PLCL1: variants seen among roughly 807,000 people sequenced by gnomAD.
The protein encoded by PLCL1 is inactive phospholipase C-like protein 1.
PLCL1 carries 41 observed loss-of-function variants against 84.4 expected under a neutral mutation model. The observed-to-expected ratio is 0.49, with a 90% CI of 0.38 to 0.63. The LOEUF is 0.63. Among genes scored for constraint, PLCL1 ranks in the 30% least tolerant of loss-of-function variants. The pLI, the probability that PLCL1 is intolerant of heterozygous loss-of-function variation, is 0.00. For missense variants in PLCL1, 1,206 were observed against 1,367.8 expected (o/e 0.88, Z 1.87); for synonymous variants, 490 against 488.3 (o/e 1.00, Z -0.05).
intron 5 of PLCL1, among the ~76,000 whole-genome samples, chr2:198,142,191 A>G (rs1026479339): frequency 1.3e-5 from 2 of 152,230 alleles, no homozygotes; most frequent in South Asian, 2.1e-4. Context: ...AATCCTAAAT[A>G]TCTTTTGATG....
At chr2:198,117,551 G>C (rs1422882937) in intron 5 of PLCL1, among the ~76,000 whole-genome samples, 4 of 151,626 alleles carry the variant, frequency 2.6e-5, no homozygotes, top group Non-Finnish European at 5.9e-5. Context: ...TTATTTGCTG[G>C]TGAAATCATG....
intron 1 of PLCL1, among the ~76,000 whole-genome samples, chr2:197,930,407 A>G (rs1344356471): frequency 6.6e-6 from 1 of 152,174 alleles, no homozygotes; most frequent in African/African-American, 2.4e-5. Flanking sequence ...CAGTTGAGCT[A>G]TTTGGTGAAA....
intron 1 of PLCL1, among the ~76,000 whole-genome samples, chr2:197,903,468 A>ATTTTTTTTTTTTTTTTTT (rs3056105): frequency 1.9e-4 from 9 of 47,794 alleles, no homozygotes; most frequent in Admixed American, 4.0e-4. Context: ...CTCCATTTAA[A>ATTTTTTTTTTTTTTTTTT]TTTTTTTTTT....
At chr2:197,964,106 A>C (rs951064827) in intron 1 of PLCL1, among the ~76,000 whole-genome samples, 1 of 151,986 alleles carries the variant, frequency 6.6e-6, no homozygotes, top group African/African-American at 2.4e-5. Flanking sequence ...GTTTTATATA[A>C]ATTTTAGGAT....
chr2:197,890,701 TACACACACAC>T (rs372078594), intron 1 of PLCL1, among the ~76,000 whole-genome samples: 13 of 118,542 alleles, frequency 1.1e-4, no homozygotes, highest in African/African-American at 2.7e-4. Context: ...TATATATATA[TACACACACAC>T]ATATACGTAT....
chr2:197,849,985 T>C (rs1355680416), intron 1 of PLCL1, among the ~76,000 whole-genome samples: 1 of 151,284 alleles, frequency 6.6e-6, no homozygotes, highest in East Asian at 1.9e-4. Context: ...TCAGTGATTC[T>C]CTTAGAGGTT....
intron 5 of PLCL1, among the ~76,000 whole-genome samples, chr2:198,110,495 C>A (rs1017769751): frequency 6.6e-6 from 1 of 151,814 alleles, no homozygotes; most frequent in Admixed American, 6.6e-5. Context: ...TGTAGAAATA[C>A]GCTTTCAATT....
At chr2:198,056,872 A>G (rs908787646) in intron 1 of PLCL1, among the ~76,000 whole-genome samples, 3 of 152,196 alleles carry the variant, frequency 2.0e-5, no homozygotes, top group Non-Finnish European at 4.4e-5. Flanking sequence ...GCACCTGGAT[A>G]GCTTTAGCAG....
chr2:197,876,514 C>A (rs963230231), intron 1 of PLCL1, among the ~76,000 whole-genome samples: 2 of 151,676 alleles, frequency 1.3e-5, no homozygotes, highest in Non-Finnish European at 2.9e-5. Context: ...ATTTAAAGAA[C>A]AGATTGAATT....
chr2:197,915,593 CAGA>C (rs1688581584), intron 1 of PLCL1, among the ~76,000 whole-genome samples: 1 of 151,414 alleles, frequency 6.6e-6, no homozygotes, highest in African/African-American at 2.4e-5. Context: ...GGGAGTTAAG[CAGA>C]AGAAGGTGGA....
chr2:198,002,200 A>G (rs1690618027), intron 1 of PLCL1, among the ~76,000 whole-genome samples: 1 of 152,090 alleles, frequency 6.6e-6, no homozygotes, highest in Non-Finnish European at 1.5e-5. Context: ...GTCCTATTGT[A>G]CCCCACAATT....
intron 1 of PLCL1, among the ~76,000 whole-genome samples, chr2:198,023,343 A>T (rs571209954): frequency 1.3e-5 from 2 of 152,232 alleles, no homozygotes; most frequent in African/African-American, 4.8e-5. Flanking sequence ...GCATGGGCAA[A>T]GACTTCAAGA....
chr2:198,110,397 G>C (rs1693589133), intron 5 of PLCL1, among the ~76,000 whole-genome samples: 1 of 151,860 alleles, frequency 6.6e-6, no homozygotes, highest in South Asian at 2.1e-4. Context: ...TTCTAACCCA[G>C]GCAGATTCCC....
In PLCL1 at chr2:198,051,346, T is replaced by A. The variant is rs538030950; in HGVS notation, c.241-32412T>A. Among the ~76,000 whole-genome samples the A allele has an allele frequency of 2.6e-5, 4 of 152,326 alleles. No homozygotes were observed. The East Asian group carries it at 7.7e-4, about 29-fold the overall frequency. ...GCAAAAATAGTTCCTATATACTCTA[T>A]ATCCAGCTTCCCCTAATGCTAACAT... On this transcript the variant is annotated intron_variant, in intron 1 of 5. Coordinates refer to ENST00000428675, the MANE Select transcript of PLCL1 (RefSeq NM_006226.4).
At chr2:198,069,194 A>G (rs533058396) in intron 1 of PLCL1, among the ~76,000 whole-genome samples, 19 of 151,720 alleles carry the variant, frequency 1.3e-4, no homozygotes, top group South Asian at 4.2e-4. Context: ...ACCAACACAC[A>G]AGGATATGCA....
chr2:197,944,425 C>T (rs1689229643), intron 1 of PLCL1, among the ~76,000 whole-genome samples: 1 of 152,134 alleles, frequency 6.6e-6, no homozygotes, highest in African/African-American at 2.4e-5. Flanking sequence ...GCTCCTATGG[C>T]TCACATTCTC....
At chr2:197,965,520 A>T (rs1689709300) in intron 1 of PLCL1, among the ~76,000 whole-genome samples, 1 of 151,754 alleles carries the variant, frequency 6.6e-6, no homozygotes, top group African/African-American at 2.4e-5. Flanking sequence ...TTTTAGTTTC[A>T]TTGATCTTTT....
At chr2:197,903,865 C>T (rs1404412599) in intron 1 of PLCL1, among the ~76,000 whole-genome samples, 4 of 136,230 alleles carry the variant, frequency 2.9e-5, no homozygotes, top group South Asian at 2.5e-4. Flanking sequence ...TGCAATGGTG[C>T]GATCTCGGCT....
chr2:197,857,770 A>G (rs917632889), intron 1 of PLCL1, among the ~76,000 whole-genome samples: 43 of 152,198 alleles, frequency 2.8e-4, no homozygotes, highest in African/African-American at 1.0e-3. Flanking sequence ...GAAACTTGAT[A>G]CAAATAGAAT....
Sources: allele counts gnomAD v4.1 joint callset (sites outside exome capture counted in the v4.1 genomes callset), GRCh38; gene constraint gnomAD v4.1.1; transcripts MANE v1.5; gene names NCBI Gene and HGNC (gene_info 2026-07-23, HGNC 2026-07-21).